The following LTBP2 variants were observed in gnomAD, a reference collection of about 807,000 sequenced individuals.
LTBP2 encodes the protein latent-transforming growth factor beta-binding protein 2.
A neutral mutation model predicts 210.6 loss-of-function variants in LTBP2; 103 were observed. The ratio of observed to expected loss-of-function variants is 0.49; its 90% CI spans 0.42 to 0.58. The LOEUF is 0.58. Among genes scored for constraint, LTBP2 ranks in the 20% least tolerant of loss-of-function variants. The pLI is 0.00. For missense variants in LTBP2, 2,313 were observed against 2,494.5 expected (o/e 0.93, Z 1.55); for synonymous variants, 1,007 against 1,015.0 (o/e 0.99, Z 0.15).
chr14:74,567,019 G>A (rs2087911906), intron 3 of LTBP2, among the ~76,000 whole-genome samples: 1 of 152,228 alleles, frequency 6.6e-6, no homozygotes, highest in South Asian at 2.1e-4. Flanking sequence ...CCCTGGGGCA[G>A]TCTCTCCTGT....
chr14:74,578,734 C>G (rs2139780054), intron 3 of LTBP2, among the ~76,000 whole-genome samples: 1 of 152,334 alleles, frequency 6.6e-6, no homozygotes, highest in East Asian at 1.9e-4. Context: ...CCTGTGTCCT[C>G]CCTGACCCCA....
intron 22 of LTBP2, 113 bp from the exon 23 acceptor site, chr14:74,509,065 G>T: frequency 6.4e-7 from 1 of 1,574,190 alleles, no homozygotes. Flanking sequence ...TGGACCCACG[G>T]GGGATCATCC....
At chr14:74,582,403 C>T (rs1383599921) in intron 3 of LTBP2, among the ~76,000 whole-genome samples, 9 of 63,866 alleles carry the variant, frequency 1.4e-4, no homozygotes, top group Non-Finnish European at 3.9e-4. Context: ...TACATACACA[C>T]ACACACACAC....
intron 2 of LTBP2, among the ~76,000 whole-genome samples, chr14:74,597,537 G>T (rs1401401453): frequency 1.3e-5 from 2 of 152,126 alleles, no homozygotes; most frequent in African/African-American, 4.8e-5. Flanking sequence ...GTGGAGAGAG[G>T]GCCAGGCACT....
At chr14:74,544,682 A>C (rs921419452) in intron 8 of LTBP2, among the ~76,000 whole-genome samples, 6 of 152,144 alleles carry the variant, frequency 3.9e-5, no homozygotes, top group African/African-American at 1.4e-4. Context: ...TTTCTGTTGG[A>C]AGGTTCAAAT....
chr14:74,574,645 G>C (rs912292761), intron 3 of LTBP2, among the ~76,000 whole-genome samples: 1 of 152,186 alleles, frequency 6.6e-6, no homozygotes, highest in Non-Finnish European at 1.5e-5. Context: ...GTAGGCTCTG[G>C]GAGGACAGAA....
Position 74,563,787 on chromosome 14 carries a change from AGAAAAT to A in LTBP2, c.831-8100_831-8095del, listed in dbSNP as rs1410239523. Among the ~76,000 whole-genome samples the A allele has an allele frequency of 2.6e-5, 4 of 151,870 alleles. No individual in the cohort carries two copies. In the Admixed American group the frequency reaches 2.6e-4, roughly 10 times the overall value. Reference sequence around the variant, plus strand: ...AGTAGTTGCAGAAACCATATGTCACAGAAAATCTAAAATATTTACTGTCTGGCCATT... The same window carrying A: ...AGTAGTTGCAGAAACCATATGTCACACTAAAATATTTACTGTCTGGCCATT... On this transcript the variant is annotated intron_variant, in intron 3 of 35. Coordinates refer to ENST00000261978, the MANE Select transcript of LTBP2 (RefSeq NM_000428.3).
intron 3 of LTBP2, among the ~76,000 whole-genome samples, chr14:74,567,002 G>T (rs1234806025): frequency 1.3e-5 from 2 of 152,214 alleles, no homozygotes; most frequent in East Asian, 1.9e-4. Context: ...GTGGGGAGGA[G>T]GTAGAGCCCT....
At chr14:74,576,579 T>C (rs549954674) in intron 3 of LTBP2, among the ~76,000 whole-genome samples, 64 of 152,106 alleles carry the variant, frequency 4.2e-4, no homozygotes, top group Non-Finnish European at 7.9e-4. Context: ...CATCTCCTTC[T>C]AGGGAAGAAG....
rs2088482099 is a variant in LTBP2 at position 74,603,768 on chromosome 14, C to T, written c.495-63G>A. 7 of 1,381,760 alleles carry T rather than the reference C, an allele frequency of 5.1e-6. No individual in the cohort carries two copies. The Admixed American group carries it at 1.2e-4, about 23-fold the overall frequency. 85.6% of individuals were successfully genotyped at this position (1,381,760 alleles called of 1,614,324 possible). On this transcript the variant is annotated intron_variant, in intron 1 of 35. Transcript: ENST00000261978. ...TCAGAGCTGGGGACTATTCACAGCCCCTCCGACAGTCCCACCTTCTAGAGG... is the reference window on the plus strand; with the variant it reads ...TCAGAGCTGGGGACTATTCACAGCCTCTCCGACAGTCCCACCTTCTAGAGG...
intron 1 of LTBP2, among the ~76,000 whole-genome samples, chr14:74,607,926 T>C (rs1008099014): frequency 1.3e-5 from 2 of 151,834 alleles, no homozygotes; most frequent in Non-Finnish European, 2.9e-5. Context: ...TTTTTTTTTT[T>C]TTTTTGAGAC....
intron 15 of LTBP2, among the ~76,000 whole-genome samples, chr14:74,523,322 G>T (rs1244488163): frequency 6.6e-6 from 1 of 152,156 alleles, no homozygotes; most frequent in Non-Finnish European, 1.5e-5. Context: ...TGAGTAAGGT[G>T]CTTGGGGAAA....
intron 8 of LTBP2, among the ~76,000 whole-genome samples, chr14:74,540,569 T>A (rs1389525528): frequency 2.7e-5 from 4 of 150,422 alleles, no homozygotes; most frequent in Non-Finnish European, 5.9e-5. Flanking sequence ...ATCGAGACCA[T>A]CCTGGCTAAC....
intron 14 of LTBP2, among the ~76,000 whole-genome samples, chr14:74,525,500 C>T (rs554582146): frequency 5.6e-4 from 85 of 152,338 alleles, no homozygotes; most frequent in Non-Finnish European, 1.2e-3. Context: ...GTCAGCTTGT[C>T]GGAGGCACAG....
At chr14:74,549,393 T>C (rs2087619146) in intron 8 of LTBP2, among the ~76,000 whole-genome samples, 1 of 152,200 alleles carries the variant, frequency 6.6e-6, no homozygotes, top group Non-Finnish European at 1.5e-5. Flanking sequence ...AGGGCTCCCA[T>C]ACCCCAAGGA....
intron 11 of LTBP2, 36 bp from the exon 12 acceptor site, chr14:74,528,734 T>A: frequency 6.2e-7 from 1 of 1,602,630 alleles, no homozygotes; most frequent in Non-Finnish European, 8.5e-7. Context: ...AACTGAGAGG[T>A]GCTGTTCCTG....
At chr14:74,517,296 GCTC>G in intron 17 of LTBP2, among the ~76,000 whole-genome samples, 1 of 152,246 alleles carries the variant, frequency 6.6e-6, no homozygotes, top group African/African-American at 2.4e-5. Flanking sequence ...CTCCCACCCC[GCTC>G]CTGGCCCCAC....
At chr14:74,512,992 GGATGCCA>G (rs2087091061) in intron 18 of LTBP2, among the ~76,000 whole-genome samples, 1 of 152,230 alleles carries the variant, frequency 6.6e-6, no homozygotes, top group Non-Finnish European at 1.5e-5. Flanking sequence ...CCTGTTTCAG[GGATGCCA>G]GATGATCTCT....
chr14:74,605,656 C>G (rs903960379), intron 1 of LTBP2, among the ~76,000 whole-genome samples: 4 of 152,226 alleles, frequency 2.6e-5, no homozygotes, highest in Admixed American at 6.5e-5. Flanking sequence ...GGAACCCAGA[C>G]AGCACGGACG....
Sources: allele counts gnomAD v4.1 joint callset (sites outside exome capture counted in the v4.1 genomes callset), GRCh38; gene constraint gnomAD v4.1.1; transcripts MANE v1.5; gene names NCBI Gene and HGNC (gene_info 2026-07-23, HGNC 2026-07-21).